PDGFD: variants seen among roughly 807,000 people sequenced by gnomAD.
PDGFD encodes the protein platelet-derived growth factor D.
A neutral mutation model predicts 44.7 loss-of-function variants in PDGFD; 30 were observed. That is an observed-to-expected ratio of 0.67 (90% CI 0.50 to 0.91). The LOEUF is 0.91. PDGFD is among the 40% of genes least tolerant of loss of function. The pLI, the probability that PDGFD is intolerant of heterozygous loss-of-function variation, is 0.00. For synonymous variants in PDGFD, 173 were observed against 168.4 expected (o/e 1.03, Z -0.21); for missense variants, 445 against 457.8 (o/e 0.97, Z 0.25).
chr11:104,094,593 C>T (rs533663806), intron 1 of PDGFD, among the ~76,000 whole-genome samples: 1 of 152,210 alleles, frequency 6.6e-6, no homozygotes, highest in East Asian at 1.9e-4. Context: ...AAAATTAGTG[C>T]TCAATCTTGA....
At chr11:103,943,804 C>A (rs770142649) in intron 4 of PDGFD, among the ~76,000 whole-genome samples, 154 bp from the exon 5 acceptor site, 3 of 152,050 alleles carry the variant, frequency 2.0e-5, no homozygotes, top group African/African-American at 2.4e-5. Flanking sequence ...TATTGTCTTG[C>A]CATATTCTTG....
chr11:104,109,139 A>G (rs1042090205), intron 1 of PDGFD, among the ~76,000 whole-genome samples: 5 of 152,050 alleles, frequency 3.3e-5, no homozygotes, highest in Admixed American at 6.6e-5. Flanking sequence ...AACATGGCAC[A>G]TGTATACATA....
At chr11:104,104,656 G>T (rs569662614) in intron 1 of PDGFD, among the ~76,000 whole-genome samples, 21 of 152,180 alleles carry the variant, frequency 1.4e-4, no homozygotes, top group Admixed American at 9.2e-4. Context: ...CACCATCTAA[G>T]TTTGTGTGAG....
At chr11:104,095,004 G>A (rs1023365013) in intron 1 of PDGFD, among the ~76,000 whole-genome samples, 1 of 151,996 alleles carries the variant, frequency 6.6e-6, no homozygotes, top group Non-Finnish European at 1.5e-5. Context: ...TTACTCAAAG[G>A]CATCAAGATC....
At chr11:104,068,596 A>G (rs1050667160) in intron 1 of PDGFD, among the ~76,000 whole-genome samples, 3 of 152,168 alleles carry the variant, frequency 2.0e-5, no homozygotes, top group Admixed American at 1.3e-4. Flanking sequence ...TAGTTTCTTC[A>G]TTTCATAAGG....
intron 1 of PDGFD, among the ~76,000 whole-genome samples, chr11:104,119,370 ATATTG>A (rs1861718007): frequency 1.5e-4 from 2 of 13,376 alleles, no homozygotes; most frequent in African/African-American, 3.7e-4. Context: ...TTGATATAAT[ATATTG>A]ATATAATATA....
chr11:104,035,400 T>A (rs955313365), intron 1 of PDGFD, among the ~76,000 whole-genome samples: 1 of 151,998 alleles, frequency 6.6e-6, no homozygotes, highest in African/African-American at 2.4e-5. Context: ...TAGCAACAGC[T>A]CCCTCTTTGA....
chr11:104,096,282 A>G lies in PDGFD; in HGVS notation c.124+67522T>C, dbSNP rs1861286561. 2.0e-5 allele frequency among the ~76,000 whole-genome samples: 3 copies of G among 152,116 alleles called. No individual in the cohort carries two copies. The South Asian group carries it at 6.2e-4, about 31-fold the overall frequency. On this transcript the variant is annotated intron_variant, in intron 1 of 6. Coordinates refer to ENST00000393158, the MANE Select transcript of PDGFD (RefSeq NM_025208.5). ...AAAAGTAGCTCTCTTATGTATAGCT[A>G]TCACAACATGGCTAACAATTATTTA...
chr11:103,974,477 ATATTT>A (rs972321093), intron 3 of PDGFD, among the ~76,000 whole-genome samples: 2 of 152,128 alleles, frequency 1.3e-5, no homozygotes, highest in Non-Finnish European at 2.9e-5. Context: ...ATTTATAATT[ATATTT>A]TAAGTTCTAG....
chr11:104,156,822 C>T (rs1181588914), intron 1 of PDGFD, among the ~76,000 whole-genome samples: 1 of 152,202 alleles, frequency 6.6e-6, no homozygotes, highest in Non-Finnish European at 1.5e-5. Context: ...TGTATGTGTA[C>T]TTGTGCCCTT....
chr11:104,019,067 G>A (rs1189245902), intron 1 of PDGFD, among the ~76,000 whole-genome samples: 1 of 152,064 alleles, frequency 6.6e-6, no homozygotes, highest in Non-Finnish European at 1.5e-5. Flanking sequence ...TTCTTTTATT[G>A]GGCATCATTT....
At position 104,156,045 on chromosome 11, in the gene PDGFD, T is replaced by C. The variant is rs1024302314; in HGVS notation, c.124+7759A>G. 2.2e-4 allele frequency among the ~76,000 whole-genome samples: 33 copies of C among 152,210 alleles called. 1 individual carries two copies. Among genetic ancestry groups the C allele is most frequent in the African/African-American group, 6.8e-4 (28 of 41,448 alleles). On this transcript the variant is annotated intron_variant, in intron 1 of 6. Coordinates refer to ENST00000393158, the MANE Select transcript of PDGFD (RefSeq NM_025208.5). The stretch of plus-strand genomic sequence containing the variant: ...ATTCTTGAAAATTGCTAACAGTAGA[T>C]TTTAAGAGTTATCATCACACAAAAA...
chr11:104,111,262 CTT>C (rs373944945), intron 1 of PDGFD, among the ~76,000 whole-genome samples: 1,501 of 119,566 alleles, frequency 0.013, 27 homozygotes, highest in African/African-American at 0.041. Flanking sequence ...ATTATTAATT[CTT>C]TTTTTTTTTT....
chr11:104,162,488 C>A (rs1862405876), intron 1 of PDGFD, among the ~76,000 whole-genome samples: 1 of 152,064 alleles, frequency 6.6e-6, no homozygotes, highest in Non-Finnish European at 1.5e-5. Flanking sequence ...AAATTACGTG[C>A]TTTTAACTAA....
intron 1 of PDGFD, among the ~76,000 whole-genome samples, chr11:104,098,883 A>C (rs1050373528): frequency 5.3e-5 from 8 of 152,152 alleles, no homozygotes; most frequent in Non-Finnish European, 1.0e-4. Flanking sequence ...GCAAGCCACA[A>C]AAAATACAAA....
At chr11:104,129,668 A>T (rs942667515) in intron 1 of PDGFD, among the ~76,000 whole-genome samples, 1 of 152,118 alleles carries the variant, frequency 6.6e-6, no homozygotes, top group South Asian at 2.1e-4. Flanking sequence ...TAAATACTGT[A>T]ATCAGTGTTT....
At chr11:104,098,825 C>T (rs619114) in intron 1 of PDGFD, among the ~76,000 whole-genome samples, 107,144 of 151,880 alleles carry the variant, frequency 0.71, 38,124 homozygotes, top group East Asian at 0.98. Context: ...TATTTGTATT[C>T]GCTAAATACA....
intron 1 of PDGFD, among the ~76,000 whole-genome samples, chr11:104,160,138 T>A (rs543738562): frequency 6.6e-6 from 1 of 152,292 alleles, no homozygotes; most frequent in South Asian, 2.1e-4. Flanking sequence ...ACGATGACAA[T>A]AGAAACCACA....
intron 1 of PDGFD, among the ~76,000 whole-genome samples, chr11:104,138,982 G>A (rs374408605): frequency 6.6e-6 from 1 of 152,034 alleles, no homozygotes. Context: ...AGCTGGTCTC[G>A]AACTCCTGAC....
Sources: allele counts gnomAD v4.1 joint callset (sites outside exome capture counted in the v4.1 genomes callset), GRCh38; gene constraint gnomAD v4.1.1; transcripts MANE v1.5; gene names NCBI Gene and HGNC (gene_info 2026-07-23, HGNC 2026-07-21).